The following SLC5A9 variants were observed in gnomAD, a reference collection of about 807,000 sequenced individuals.
The protein encoded by SLC5A9 is solute carrier family 5 member 9.
In SLC5A9, 59 loss-of-function variants were observed where a neutral mutation model predicts 70.9. That is an observed-to-expected ratio of 0.83 (90% CI 0.68 to 1.03). The LOEUF (loss-of-function observed/expected upper bound fraction) is 1.03, where lower values mean the gene tolerates loss of function less well. SLC5A9 is among the 50% of genes least tolerant of loss of function. The pLI is 0.00. For synonymous variants in SLC5A9, 340 were observed against 346.5 expected (o/e 0.98, Z 0.21); for missense variants, 832 against 881.1 (o/e 0.94, Z 0.71).
At chr1:48,234,939 C>T (rs1010396697) in intron 9 of SLC5A9, among the ~76,000 whole-genome samples, 1 of 152,074 alleles carries the variant, frequency 6.6e-6, no homozygotes, top group Non-Finnish European at 1.5e-5. Context: ...GTTTGGAGCA[C>T]TTGAGCCTGA....
rs991451690 is a variant in SLC5A9, at chr1:48,222,973, G to A, written c.162+75G>A. The stretch of plus-strand genomic sequence containing the variant: ...TCAGCTTGGGTGGGGCTGTGGAGCT[G>A]GGGCAGGGCTAGGCAGAAAGAAGCA... On this transcript the variant is annotated intron_variant, in intron 1 of 13. Transcript: ENST00000438567. 2.0e-6 allele frequency: 3 copies of A among 1,507,436 alleles called. No individual in the cohort carries two copies. The African/African-American group carries it at 4.1e-5, about 21-fold the overall frequency. 93.4% of individuals were successfully genotyped at this position (1,507,436 alleles called of 1,614,324 possible). A position where few individuals can be genotyped will look rare whatever the true frequency, so the allele number is the denominator to read the frequency against.
chr1:48,223,439 G>A (rs903439028), intron 1 of SLC5A9, among the ~76,000 whole-genome samples: 1 of 152,142 alleles, frequency 6.6e-6, no homozygotes, highest in African/African-American at 2.4e-5. Flanking sequence ...CTGAGTTCAG[G>A]TCCCAGCTGC....
At chr1:48,226,454 G>GA (rs1644148198) in intron 2 of SLC5A9, among the ~76,000 whole-genome samples, 1 of 152,192 alleles carries the variant, frequency 6.6e-6, no homozygotes, top group Non-Finnish European at 1.5e-5. Context: ...CACCCAGTGG[G>GA]AAAGAGAGGA....
In SLC5A9 at chr1:48,239,612, CT is replaced by C; in HGVS notation, c.1677+79del. 7.1e-7 allele frequency: 1 copy of C among 1,407,442 alleles called. No homozygotes were observed. The highest frequency in any genetic ancestry group is 1.0e-6 in the Non-Finnish European group (1 of 998,576). The allele number at this position is 1,407,442 out of a possible 1,614,324, so 87.2% of individuals were successfully genotyped here. A position where few individuals can be genotyped will look rare whatever the true frequency, so the allele number is the denominator to read the frequency against. On this transcript the variant is annotated intron_variant, in intron 12 of 13. Transcript: ENST00000438567. The surrounding 1 kb of genome is among the most constrained non-coding windows in gnomAD (Gnocchi z 4.2). Reference sequence around the variant, plus strand: ...CCATAGCCTAGAATTCCACTGCTGACTTTTACTCTGTTGGGTTATGGTCTCC... The same window carrying C: ...CCATAGCCTAGAATTCCACTGCTGACTTTACTCTGTTGGGTTATGGTCTCC...
chr1:48,239,445 C>T lies in SLC5A9; in HGVS notation c.1585C>T (p.His529Tyr), dbSNP rs1644367695. The T allele has an allele frequency of 1.2e-6, 2 of 1,614,182 alleles. No homozygotes were observed. The highest frequency in any genetic ancestry group is 1.3e-5 in the African/African-American group (1 of 75,036). ...GAGGCCAGCAGTGCTGAAGGACTTC[C>T]ACTACCTGTACTTTGCAATCCTCCT... The part of the protein sequence containing the change: ...DRRPAVLKDF[H>Y]YLYFAILLCG... The change falls in exon 12 of 14, where the codon CAC becomes TAC. Residue 529 changes from histidine to tyrosine, a missense_variant. Coordinates refer to ENST00000438567, the MANE Select transcript of SLC5A9 (RefSeq NM_001011547.3). This position sits in a 1 kb window ranked among gnomAD's most constrained non-coding sequence, Gnocchi z 4.2.
At position 48,224,724 on chromosome 1, in the gene SLC5A9, T is replaced by TCGTCCATC. The variant is rs761211910; in HGVS notation, c.167_174dup (p.Ala59ProfsTer19). 1 of 1,614,094 alleles carries TCGTCCATC rather than the reference T, an allele frequency of 6.2e-7. No homozygotes were observed. Among genetic ancestry groups the TCGTCCATC allele is most frequent in the Non-Finnish European group, 8.5e-7 (1 of 1,179,988 alleles). ...CTCATCTCATCTATTTCCTTTCCAG[T>TCGTCCATC]CGTCCATCCGTGCAAGTCGAGGGAC... On this transcript the variant is annotated frameshift_variant and splice_region_variant, in exon 2 of 14. Coordinates refer to ENST00000438567, the MANE Select transcript of SLC5A9 (RefSeq NM_001011547.3). LOFTEE classifies it high-confidence loss of function.
rs1553132185 is a variant in SLC5A9, at chr1:48,244,872, G to GTGTATA, written c.1837+2257_1837+2258insGTATAT. On this transcript the variant is annotated intron_variant, in intron 13 of 13. Coordinates refer to ENST00000438567, the MANE Select transcript of SLC5A9 (RefSeq NM_001011547.3). ...AAAACCTGTGTGTGTGTATGTATGT[G>GTGTATA]TATGTGTATATATATATATATATAT... Among the ~76,000 whole-genome samples the GTGTATA allele has an allele frequency of 3.4e-3, 32 of 9,316 alleles. 5 individuals are homozygous for GTGTATA. The highest frequency in any genetic ancestry group is 6.6e-3 in the African/African-American group (31 of 4,698). 6.1% of individuals were successfully genotyped at this position (9,316 alleles called of 152,430 possible).
chr1:48,242,400 T>C, intron 12 of SLC5A9, 57 bp from the exon 13 acceptor site: 1 of 1,530,986 alleles, frequency 6.5e-7, no homozygotes, highest in Non-Finnish European at 8.8e-7. Flanking sequence ...GCCTCTGTTC[T>C]TCTACAGCAT....
intron 13 of SLC5A9, among the ~76,000 whole-genome samples, chr1:48,244,551 C>T (rs2354005): frequency 0.68 from 102,659 of 150,512 alleles, 37,477 homozygotes; most frequent in Non-Finnish European, 0.8. Flanking sequence ...GCCAATAATC[C>T]AGTATAAAAA....
intron 1 of SLC5A9, 101 bp downstream of exon 1, chr1:48,222,999 G>A (rs1644093757): frequency 1.6e-6 from 2 of 1,268,442 alleles, no homozygotes; most frequent in East Asian, 4.9e-5. Context: ...GAAAGAAGCA[G>A]ATCATAGAAC....
chr1:48,237,739 C>A lies in SLC5A9; in HGVS notation c.1353C>A (p.Ser451=), dbSNP rs778024787. 2 of 1,614,080 alleles carry A rather than the reference C, an allele frequency of 1.2e-6. No individual in the cohort carries two copies. Among genetic ancestry groups the A allele is most frequent in the South Asian group, 1.1e-5 (1 of 91,078 alleles). Residue 451 remains serine (S), a synonymous_variant, in exon 11 of 14, where the codon TCC becomes TCA. Transcript: ENST00000438567. ...SILWIPIIQS[S]NSGQLFDYIQ... Reference sequence around the variant, plus strand: ...TCTGGATCCCCATCATCCAAAGCTCCAACAGTGGGCAGCTCTTCGACTACA... The same window carrying A: ...TCTGGATCCCCATCATCCAAAGCTCAAACAGTGGGCAGCTCTTCGACTACA...
chr1:48,227,189 A>G (rs1557466613), intron 2 of SLC5A9, among the ~76,000 whole-genome samples: 1 of 88,104 alleles, frequency 1.1e-5, no homozygotes, highest in Non-Finnish European at 2.6e-5. Flanking sequence ...GTGTGTGTGT[A>G]CTGTGCCTGT....
intron 2 of SLC5A9, among the ~76,000 whole-genome samples, chr1:48,225,719 C>T (rs574535383): frequency 7.2e-5 from 11 of 152,192 alleles, no homozygotes; most frequent in African/African-American, 2.2e-4. Context: ...CTCATACATG[C>T]TTGCAAACTC....
intron 2 of SLC5A9, chr1:48,227,908 T>C (rs1044347089): frequency 2.0e-5 from 3 of 152,204 alleles, no homozygotes; most frequent in Non-Finnish European, 4.4e-5. Context: ...GATTTTACTG[T>C]GGTGACATAG....
chr1:48,247,712 A>G lies in SLC5A9; in HGVS notation c.*169A>G. The G allele has an allele frequency of 1.5e-6, 1 of 674,302 alleles. No individual in the cohort carries two copies. The highest frequency in any genetic ancestry group is 2.5e-6 in the Non-Finnish European group (1 of 395,088). The allele number at this position is 674,302 out of a possible 1,614,324, so 41.8% of individuals were successfully genotyped here. ...CAACCTGCACACTTGACAAGTGGAG[A>G]AACAGAAGCCCAGAGAGAGCACTGG... On this transcript the variant is annotated 3_prime_UTR_variant, in exon 14 of 14. Transcript: ENST00000438567.
At chr1:48,225,669 CACAT>C (rs1239791185) in intron 2 of SLC5A9, among the ~76,000 whole-genome samples, 2 of 152,206 alleles carry the variant, frequency 1.3e-5, no homozygotes, top group East Asian at 3.9e-4. Context: ...CACTCACACT[CACAT>C]ACAAAGGCAC....
chr1:48,225,960 C>G (rs781141880), intron 2 of SLC5A9, among the ~76,000 whole-genome samples: 5 of 152,182 alleles, frequency 3.3e-5, no homozygotes, highest in African/African-American at 4.8e-5. Context: ...TCCCCACTCT[C>G]TAGTGGTCAC....
Position 48,239,684 on chromosome 1 carries a change from A to C in SLC5A9, c.1677+147A>C. ...CTTGGGAGGGAAAGTGCCTTGGGCT[A>C]TGAATTCCCCATTGAAAAGTAATTC... On this transcript the variant is annotated intron_variant, in intron 12 of 13. Transcript: ENST00000438567. This position sits in a 1 kb window ranked among gnomAD's most constrained non-coding sequence, Gnocchi z 4.2. 1 of 721,112 alleles carries C rather than the reference A, an allele frequency of 1.4e-6. No individual in the cohort carries two copies. The highest frequency in any genetic ancestry group is 2.3e-6 in the Non-Finnish European group (1 of 429,530). The allele number at this position is 721,112 out of a possible 1,614,324, so 44.7% of individuals were successfully genotyped here.
chr1:48,230,748 A>G lies in SLC5A9; in HGVS notation c.610+43A>G, dbSNP rs1191818093. 6 of 1,407,084 alleles carry G rather than the reference A, an allele frequency of 4.3e-6. No homozygotes were observed. The East Asian group carries it at 1.4e-4, about 32-fold the overall frequency. The allele number at this position is 1,407,084 out of a possible 1,614,324, so 87.2% of individuals were successfully genotyped here. ...GGCAAGAGGAAAGCTTCTGACTGGC[A>G]GAGACCCAGAGAGAAAGACTGAAGG... On this transcript the variant is annotated intron_variant, in intron 5 of 13. Coordinates refer to ENST00000438567, the MANE Select transcript of SLC5A9 (RefSeq NM_001011547.3).
Sources: allele counts gnomAD v4.1 joint callset (sites outside exome capture counted in the v4.1 genomes callset), GRCh38; gene constraint gnomAD v4.1.1; non-coding constraint Gnocchi (gnomAD v3.1); transcripts MANE v1.5; gene names NCBI Gene and HGNC (gene_info 2026-07-23, HGNC 2026-07-21).